The following SLC23A2 variants were observed in gnomAD, a reference collection of about 807,000 sequenced individuals.
The protein encoded by SLC23A2 is solute carrier family 23 member 2, also known as Na(+)/L-ascorbic acid transporter 2.
SLC23A2 carries 36 observed loss-of-function variants against 73.3 expected under a neutral mutation model. That is an observed-to-expected ratio of 0.49 (90% confidence interval 0.38 to 0.65). SLC23A2 has a LOEUF of 0.65. Ranked by LOEUF, SLC23A2 falls within the 30% of genes least tolerant of loss-of-function variation. The probability of loss-of-function intolerance (pLI) is 0.00; values close to 1 mark genes in which losing one functional copy is unlikely to be tolerated. For missense variants in SLC23A2, 507 were observed against 841.6 expected (o/e 0.60, Z 4.92); for synonymous variants, 343 against 327.3 (o/e 1.05, Z -0.52).
chr20:4,944,437 C>T (rs1159667079), intron 2 of SLC23A2, among the ~76,000 whole-genome samples: 1 of 152,110 alleles, frequency 6.6e-6, no homozygotes, highest in African/African-American at 2.4e-5. Context: ...CAGGGTTTCA[C>T]CATCTTGGCC....
chr20:5,001,697 G>A (rs1259204842), upstream of SLC23A2, among the ~76,000 whole-genome samples: 1 of 147,622 alleles, frequency 6.8e-6, no homozygotes, highest in African/African-American at 2.5e-5. Flanking sequence ...TCCCCTTCCC[G>A]TTCCTTTCAT....
chr20:4,862,186 C>A lies in SLC23A2; in HGVS notation c.1487-101G>T, dbSNP rs543511212. The A allele has an allele frequency of 2.4e-6, 3 of 1,225,454 alleles. No homozygotes were observed. The highest frequency in any genetic ancestry group is 3.5e-6 in the Non-Finnish European group (3 of 859,922). The allele number at this position is 1,225,454 out of a possible 1,614,324, so 75.9% of individuals were successfully genotyped here. ...TCCCTGGCACCCCTTCTCTGTCCAA[C>A]AGAAACCAATGAGACCAGTGCAGGG... On this transcript the variant is annotated intron_variant, in intron 14 of 16. Transcript: ENST00000338244. The surrounding 1 kb of genome is among the most constrained non-coding windows in gnomAD (Gnocchi z 5.1).
rs1302798045 is a variant in SLC23A2 at position 4,874,086 on chromosome 20, G to T, written c.952C>A (p.Leu318Met). Residue 318 changes from leucine to methionine, a missense_variant, in exon 11 of 17, where the codon CTG becomes ATG. Coordinates refer to ENST00000338244, the MANE Select transcript of SLC23A2 (RefSeq NM_005116.6). Reference sequence around the variant, plus strand: ...AGCAGCCAGGATACCAGGATGGCCAGGATGATCTGGAGTGGTCAAGGGGAA... The same window carrying T: ...AGCAGCCAGGATACCAGGATGGCCATGATGATCTGGAGTGGTCAAGGGGAA... ...LQLFKMFPII[L>M]AILVSWLLCF... 10 of 1,613,126 alleles carry T rather than the reference G, an allele frequency of 6.2e-6. No individual in the cohort carries two copies.
At chr20:5,003,159 G>A (rs534271255), upstream of SLC23A2, among the ~76,000 whole-genome samples, 1 of 152,228 alleles carries the variant, frequency 6.6e-6, no homozygotes, top group African/African-American at 2.4e-5. Flanking sequence ...CGAGGCAGGC[G>A]GATCACGAGG....
At chr20:4,895,028 A>G (rs1485023944) in intron 6 of SLC23A2, among the ~76,000 whole-genome samples, 1 of 152,206 alleles carries the variant, frequency 6.6e-6, no homozygotes, top group Non-Finnish European at 1.5e-5. Flanking sequence ...CACCCACAAC[A>G]TCCAGCGTGA....
At chr20:4,977,834 T>C (rs1165970578) in intron 1 of SLC23A2, among the ~76,000 whole-genome samples, 1 of 152,146 alleles carries the variant, frequency 6.6e-6, no homozygotes, top group African/African-American at 2.4e-5. Context: ...CTACCACACC[T>C]GGCCTATTTG....
intron 2 of SLC23A2, among the ~76,000 whole-genome samples, chr20:4,964,060 G>A (rs972121403): frequency 2.7e-5 from 4 of 150,554 alleles, no homozygotes; most frequent in African/African-American, 9.8e-5. Flanking sequence ...AAGCTGGAGT[G>A]CAGTGGCACA....
chr20:4,860,907 G>C (rs185990898), intron 15 of SLC23A2, among the ~76,000 whole-genome samples: 2 of 152,282 alleles, frequency 1.3e-5, no homozygotes, highest in East Asian at 1.9e-4. Context: ...CGGGTGTGGT[G>C]GTGGGTGCCT....
chr20:4,937,265 A>C (rs2086974528), intron 2 of SLC23A2, among the ~76,000 whole-genome samples: 1 of 152,152 alleles, frequency 6.6e-6, no homozygotes, highest in African/African-American at 2.4e-5. Context: ...CTGTATTAAA[A>C]CAAGAAGCAA....
chr20:4,923,059 AT>A (rs910328244), intron 3 of SLC23A2, among the ~76,000 whole-genome samples: 3 of 152,136 alleles, frequency 2.0e-5, no homozygotes, highest in African/African-American at 7.2e-5. Flanking sequence ...ATATTGCAAT[AT>A]GATAAACTTA....
At chr20:4,957,095 C>T (rs1332134575) in intron 2 of SLC23A2, among the ~76,000 whole-genome samples, 6 of 152,080 alleles carry the variant, frequency 3.9e-5, no homozygotes, top group Non-Finnish European at 8.8e-5. Context: ...GCGTGAGTTA[C>T]TGCGCCCGGC....
intron 6 of SLC23A2, among the ~76,000 whole-genome samples, chr20:4,893,296 C>A (rs1931399416): frequency 6.6e-6 from 1 of 152,092 alleles, no homozygotes; most frequent in African/African-American, 2.4e-5. Flanking sequence ...AACTCCTGGG[C>A]TTAAGCAATC....
At chr20:4,990,662 T>A (rs1335789606) in intron 1 of SLC23A2, among the ~76,000 whole-genome samples, 1 of 142,912 alleles carries the variant, frequency 7.0e-6, no homozygotes, top group African/African-American at 2.6e-5. Context: ...CGTGAGCCAC[T>A]GCCCCGGCCT....
intron 4 of SLC23A2, among the ~76,000 whole-genome samples, chr20:4,905,409 C>T (rs1931908887): frequency 6.6e-6 from 1 of 152,192 alleles, no homozygotes; most frequent in Non-Finnish European, 1.5e-5. Flanking sequence ...TGGCGCCACA[C>T]TCAGTGATCA....
chr20:4,896,869 G>T (rs1372430525), intron 6 of SLC23A2, among the ~76,000 whole-genome samples: 1 of 152,212 alleles, frequency 6.6e-6, no homozygotes, highest in African/African-American at 2.4e-5. Context: ...TGGCCTCTGT[G>T]TGCCTGGGCA....
intron 1 of SLC23A2, among the ~76,000 whole-genome samples, chr20:4,971,193 A>G (rs2087554478): frequency 6.6e-6 from 1 of 151,830 alleles, no homozygotes; most frequent in African/African-American, 2.4e-5. Flanking sequence ...TCAGCCAGGC[A>G]CAGTGGCTCA....
intron 4 of SLC23A2, among the ~76,000 whole-genome samples, chr20:4,910,975 G>A (rs1932123349): frequency 6.6e-6 from 1 of 152,142 alleles, no homozygotes. Flanking sequence ...AAAAGGTAAA[G>A]CTAAGCCCCA....
chr20:4,951,826 G>A (rs1285200460), intron 2 of SLC23A2, among the ~76,000 whole-genome samples: 4 of 152,054 alleles, frequency 2.6e-5, no homozygotes, highest in Non-Finnish European at 5.9e-5. Context: ...AAATGAGGTC[G>A]GGTGTGGTGG....
chr20:4,937,168 T>C (rs1400619243), intron 2 of SLC23A2, among the ~76,000 whole-genome samples: 1 of 151,472 alleles, frequency 6.6e-6, no homozygotes, highest in Non-Finnish European at 1.5e-5. Context: ...CCACACAGGA[T>C]GAGCGTGGTG....
Sources: allele counts gnomAD v4.1 joint callset (sites outside exome capture counted in the v4.1 genomes callset), GRCh38; gene constraint gnomAD v4.1.1; non-coding constraint Gnocchi (gnomAD v3.1); transcripts MANE v1.5; gene names NCBI Gene and HGNC (gene_info 2026-07-23, HGNC 2026-07-21).